LINGO1: variants seen among roughly 807,000 people sequenced by gnomAD.
LINGO1 encodes the protein leucine-rich repeat and immunoglobulin-like domain-containing nogo receptor-interacting protein 1.
A neutral mutation model predicts 37.3 loss-of-function variants in LINGO1; 11 were observed. That is an observed-to-expected ratio of 0.29 (90% CI 0.19 to 0.49). The LOEUF (loss-of-function observed/expected upper bound fraction) is 0.49, where lower values mean the gene tolerates loss of function less well. LINGO1 is among the 20% of genes least tolerant of loss of function. LINGO1 has a pLI of 0.99. For synonymous variants in LINGO1, 387 were observed against 403.0 expected, an observed-to-expected ratio of 0.96 and a Z score of 0.48; for missense variants, 585 against 878.2, an observed-to-expected ratio of 0.67 and a Z score of 4.22.
intron 2 of LINGO1, among the ~76,000 whole-genome samples, chr15:77,706,264 C>A (rs570973473): frequency 6.6e-6 from 1 of 152,170 alleles, no homozygotes; most frequent in African/African-American, 2.4e-5. Context: ...CCACCCAACC[C>A]GGCACCTGTC....
intron 1 of LINGO1, among the ~76,000 whole-genome samples, chr15:77,762,375 C>T (rs1325274996): frequency 6.6e-6 from 1 of 152,210 alleles, no homozygotes; most frequent in African/African-American, 2.4e-5. Flanking sequence ...GAGGAGCAGG[C>T]CGTGGAGAGG....
At chr15:77,698,202 C>T (rs2075721947), upstream of LINGO1, among the ~76,000 whole-genome samples, 1 of 152,150 alleles carries the variant, frequency 6.6e-6, no homozygotes, top group Non-Finnish European at 1.5e-5. Context: ...TTACAATCCA[C>T]AGTGCCAGCG....
intron 2 of LINGO1, among the ~76,000 whole-genome samples, chr15:77,702,996 C>T (rs2075804027): frequency 6.6e-6 from 1 of 152,254 alleles, no homozygotes; most frequent in Non-Finnish European, 1.5e-5. Context: ...AGAGAACCCA[C>T]TGGCTTTGGA....
At chr15:77,709,002 C>A (rs1157684791) in intron 2 of LINGO1, among the ~76,000 whole-genome samples, 3 of 152,146 alleles carry the variant, frequency 2.0e-5, no homozygotes, top group Non-Finnish European at 4.4e-5. Context: ...AGTGATGCAT[C>A]TTCAAGCCAA....
intron 1 of LINGO1, chr15:77,695,940 G>A (rs1369728428): frequency 6.6e-6 from 1 of 151,426 alleles, no homozygotes; most frequent in African/African-American, 2.4e-5. Flanking sequence ...TGGCAAGGGA[G>A]GAGGAGGGAA....
intron 1 of LINGO1, among the ~76,000 whole-genome samples, chr15:77,628,002 A>T (rs1255446234): frequency 6.6e-6 from 1 of 152,232 alleles, no homozygotes; most frequent in Non-Finnish European, 1.5e-5. Flanking sequence ...AATCAAGGCC[A>T]TCATGAAATA....
chr15:77,722,560 A>G (rs1346043442), intron 2 of LINGO1, among the ~76,000 whole-genome samples: 1 of 152,130 alleles, frequency 6.6e-6, no homozygotes, highest in Non-Finnish European at 1.5e-5. Context: ...GGCGATGCTA[A>G]CTCCTACCTC....
intron 2 of LINGO1, among the ~76,000 whole-genome samples, chr15:77,731,153 T>C (rs550879822): frequency 3.0e-4 from 45 of 152,228 alleles, no homozygotes; most frequent in Admixed American, 2.2e-3. Context: ...GCAGGCAGGC[T>C]GGGGTGGGGG....
At chr15:77,648,199 A>G in intron 3 of LINGO1, 5 of 309,222 alleles carry the variant, frequency 1.6e-5, no homozygotes, top group South Asian at 1.4e-4. Flanking sequence ...TAGTATTAAC[A>G]TACAAGTTAC....
At chr15:77,742,689 C>T (rs1379881084) in intron 1 of LINGO1, among the ~76,000 whole-genome samples, 1 of 152,220 alleles carries the variant, frequency 6.6e-6, no homozygotes, top group African/African-American at 2.4e-5. Flanking sequence ...TTTCATTTAG[C>T]CTGCTGGAGA....
At chr15:77,794,140 CTT>C (rs889417548) in intron 2 of LINGO1, among the ~76,000 whole-genome samples, 2 of 152,066 alleles carry the variant, frequency 1.3e-5, no homozygotes, top group African/African-American at 2.4e-5. Flanking sequence ...GCCCCCTGCC[CTT>C]GTCACCCCAG....
intron 1 of LINGO1, among the ~76,000 whole-genome samples, chr15:77,743,007 G>A (rs1357754123): frequency 6.6e-6 from 1 of 152,228 alleles, no homozygotes; most frequent in Non-Finnish European, 1.5e-5. Flanking sequence ...GGGTGCACAG[G>A]GCCCCCAGCC....
Position 77,615,523 on chromosome 15 carries a change from G to A in LINGO1, c.384C>T (p.Ser128=). The change falls in exon 2 of 2, where the codon AGC becomes AGT. Residue 128 remains serine (S), a synonymous_variant. Coordinates refer to ENST00000355300, the MANE Select transcript of LINGO1 (RefSeq NM_032808.7). ...LFNLRTLGLR[S]NRLKLIPLGV... ...CTAGCGGGATGAGCTTCAGGCGGTT[G>A]CTGCGGAGACCCAGCGTCCGGAGGT... The A allele has an allele frequency of 1.9e-6, 3 of 1,613,848 alleles. No homozygotes were observed. Among genetic ancestry groups the A allele is most frequent in the Non-Finnish European group, 2.5e-6 (3 of 1,179,790 alleles).
chr15:77,704,520 C>T (rs1023000186), intron 2 of LINGO1, among the ~76,000 whole-genome samples: 4 of 150,676 alleles, frequency 2.7e-5, no homozygotes, highest in East Asian at 3.9e-4. Flanking sequence ...ACTGATCACA[C>T]GCTGAGCCCC....
At chr15:77,647,729 G>C in intron 3 of LINGO1, 1 of 393,384 alleles carries the variant, frequency 2.5e-6, no homozygotes, top group Non-Finnish European at 5.1e-6. Context: ...GTGCTCCCCC[G>C]CCCCATGCCC....
intron 1 of LINGO1, among the ~76,000 whole-genome samples, chr15:77,777,477 A>ATGCGCG (rs1567578758): frequency 1.4e-5 from 2 of 139,476 alleles, no homozygotes; most frequent in African/African-American, 6.1e-5. Context: ...ACACACACAC[A>ATGCGCG]CACACACACA....
intron 3 of LINGO1, among the ~76,000 whole-genome samples, chr15:77,650,917 C>T (rs921475442): frequency 2.6e-5 from 4 of 152,050 alleles, no homozygotes; most frequent in Admixed American, 2.6e-4. Context: ...TTTGGTGGCT[C>T]TCCCAAGCCC....
At chr15:77,790,090 T>C (rs1395527081), upstream of LINGO1, among the ~76,000 whole-genome samples, 1 of 152,178 alleles carries the variant, frequency 6.6e-6, no homozygotes, top group Non-Finnish European at 1.5e-5. Context: ...CACCTTGATT[T>C]CAGACTTCCA....
chr15:77,799,878 C>T (rs562376263), intron 1 of LINGO1, among the ~76,000 whole-genome samples: 6 of 152,128 alleles, frequency 3.9e-5, no homozygotes, highest in Admixed American at 6.6e-5. Context: ...TTGGAAGACC[C>T]GCCAGCTGTG....
Sources: gnomAD v4.1 joint callset for allele counts (sites outside exome capture counted in the v4.1 genomes callset) on GRCh38, gnomAD v4.1.1 for gene constraint, MANE v1.5 for transcripts, NCBI Gene and HGNC (gene_info 2026-07-23, HGNC 2026-07-21) for gene names.